Variants in SEC31B observed in about 807,000 individuals in gnomAD.
SEC31B encodes the protein SEC31 homolog B, COPII component.
Under a neutral mutation model 135.0 loss-of-function variants are expected in SEC31B, and 113 were observed. The ratio of observed to expected loss-of-function variants is 0.84; its 90% CI spans 0.72 to 0.98. The LOEUF (loss-of-function observed/expected upper bound fraction) is 0.98. Among genes scored for constraint, SEC31B ranks in the 50% least tolerant of loss-of-function variants. The pLI is 0.00. For missense variants in SEC31B, 1,296 were observed against 1,421.1 expected (o/e 0.91, Z 1.42); for synonymous variants, 508 against 549.4 (o/e 0.92, Z 1.05).
rs760922936 is a variant in SEC31B, at chr10:100,495,408, A to G, written c.2449T>C (p.Leu817=). 1.2e-6 allele frequency: 2 copies of G among 1,613,964 alleles called. No homozygotes were observed. The highest frequency in any genetic ancestry group is 2.2e-5 in the South Asian group (2 of 90,962). Residue 817 remains leucine, a synonymous_variant, in exon 19 of 26, where the codon TTG becomes CTG. Transcript: ENST00000370345. ...LHSKETSSYR[L]GSQPSHQVPT... ...ACCTGGTGAGAAGGCTGGGATCCCAATCTGTAAGATGATGTCTCTTTAGAG... is the reference window on the plus strand; with the variant it reads ...ACCTGGTGAGAAGGCTGGGATCCCAGTCTGTAAGATGATGTCTCTTTAGAG...
intron 3 of SEC31B, among the ~76,000 whole-genome samples, chr10:100,510,819 C>T (rs1323905494): frequency 6.6e-6 from 1 of 152,208 alleles, no homozygotes; most frequent in African/African-American, 2.4e-5. Flanking sequence ...AGGCTACTGC[C>T]AGAAAGGCTG....
At chr10:100,512,644 T>C (rs926587702) in intron 3 of SEC31B, among the ~76,000 whole-genome samples, 2 of 152,146 alleles carry the variant, frequency 1.3e-5, no homozygotes, top group African/African-American at 4.8e-5. Flanking sequence ...GGATCCAAAT[T>C]TGGTTGAGGC....
intron 2 of SEC31B, among the ~76,000 whole-genome samples, chr10:100,516,648 C>CAAAAA: frequency 2.1e-5 from 1 of 47,508 alleles, no homozygotes; most frequent in Non-Finnish European, 4.0e-5. Flanking sequence ...GACTCTGTCT[C>CAAAAA]AAAAAAAAAA....
intron 2 of SEC31B, 92 bp downstream of exon 2, chr10:100,516,782 C>A: frequency 1.0e-6 from 1 of 956,198 alleles, no homozygotes; most frequent in Non-Finnish European, 1.6e-6. Context: ...GATCTGAGAG[C>A]TTTCTCTGAT....
At chr10:100,498,593 G>A (rs530018158) in intron 14 of SEC31B, 112 bp downstream of exon 14, 104 of 736,074 alleles carry the variant, frequency 1.4e-4, no homozygotes, top group Middle Eastern at 3.9e-4. Context: ...CATTTGAGAC[G>A]GTGGGAGGAA....
chr10:100,513,225 A>C (rs1246347421), intron 3 of SEC31B, among the ~76,000 whole-genome samples: 2 of 152,336 alleles, frequency 1.3e-5, no homozygotes, highest in Middle Eastern at 3.4e-3. Flanking sequence ...AATGTGATTT[A>C]ATCTTCCAAC....
intron 1 of SEC31B, among the ~76,000 whole-genome samples, chr10:100,517,846 T>C (rs775459842): frequency 3.9e-5 from 6 of 152,180 alleles, no homozygotes; most frequent in Non-Finnish European, 7.3e-5. Context: ...CCCAGAAGCC[T>C]GAAAATCCCT....
Position 100,505,209 on chromosome 10 carries a change from G to A in SEC31B, c.1179+152C>T, listed in dbSNP as rs548975800. The A allele has an allele frequency of 2.5e-4, 225 of 904,710 alleles. 3 individuals are homozygous for A. The South Asian group carries it at 3.6e-3, about 15-fold the overall frequency. 56.0% of individuals were successfully genotyped at this position (904,710 alleles called of 1,614,324 possible). On this transcript the variant is annotated intron_variant, in intron 10 of 25. Coordinates refer to ENST00000370345, the MANE Select transcript of SEC31B (RefSeq NM_015490.4). The stretch of plus-strand genomic sequence containing the variant: ...AGCTATAGTAACTCTCTCCTTGAGA[G>A]GTAAAGTGGGATCCATTCTGAGACA...
At chr10:100,515,542 T>G (rs1851816923) in intron 3 of SEC31B, among the ~76,000 whole-genome samples, 1 of 152,046 alleles carries the variant, frequency 6.6e-6, no homozygotes, top group Non-Finnish European at 1.5e-5. Flanking sequence ...CTATGTAAAA[T>G]GGAAATATGG....
chr10:100,519,019 T>C (rs1422713917), intron 1 of SEC31B, among the ~76,000 whole-genome samples: 1 of 152,260 alleles, frequency 6.6e-6, no homozygotes, highest in Non-Finnish European at 1.5e-5. Flanking sequence ...GCATTTGATG[T>C]GCATATCTCA....
chr10:100,515,917 G>A (rs778914800), intron 3 of SEC31B, among the ~76,000 whole-genome samples, 179 bp downstream of exon 3: 6 of 152,116 alleles, frequency 3.9e-5, no homozygotes, highest in East Asian at 1.9e-4. Context: ...ACTGGAAAGG[G>A]GGGGGGTGGT....
At chr10:100,501,415 C>G (rs1851522631) in intron 11 of SEC31B, among the ~76,000 whole-genome samples, 1 of 152,146 alleles carries the variant, frequency 6.6e-6, no homozygotes, top group South Asian at 2.1e-4. Context: ...ACAAAAGCAT[C>G]ATTTCTTATT....
At chr10:100,507,246 G>A (rs1171277977) in intron 7 of SEC31B, among the ~76,000 whole-genome samples, 179 bp downstream of exon 7, 1 of 152,182 alleles carries the variant, frequency 6.6e-6, no homozygotes, top group Non-Finnish European at 1.5e-5. Context: ...TAACCTCAGG[G>A]TCTAAGGGCC....
In SEC31B at chr10:100,490,239, C is replaced by G. The variant is rs1463406332; in HGVS notation, c.2734G>C (p.Gly912Arg). 4 of 1,613,564 alleles carry G rather than the reference C, an allele frequency of 2.5e-6. No homozygotes were observed. Among genetic ancestry groups the G allele is most frequent in the Admixed American group, 1.7e-5 (1 of 59,930 alleles). Reference protein sequence around the residue: ...VGFPGTWPLPGSPLPMACPGI... With the variant: ...VGFPGTWPLPRSPLPMACPGI... ...GGGCATGCCATGGGTAGAGGGGAAC[C>G]AGGAAGAGGCCATGTCCCAGGGAAT... Residue 912 changes from glycine (G) to arginine (R), a missense_variant, in exon 21 of 26, where the codon GGT (glycine) becomes CGT (arginine). By Grantham distance (125) the Gly-to-Arg change is moderately radical. Transcript: ENST00000370345.
chr10:100,503,821 A>C (rs1345660489), intron 10 of SEC31B, among the ~76,000 whole-genome samples: 1 of 151,848 alleles, frequency 6.6e-6, no homozygotes, highest in African/African-American at 2.4e-5. Context: ...TTATATGGTA[A>C]ACTTGTGTCA....
chr10:100,497,938 G>A, intron 15 of SEC31B, 91 bp downstream of exon 15: 1 of 1,574,762 alleles, frequency 6.4e-7, no homozygotes, highest in Admixed American at 1.7e-5. Flanking sequence ...GAGGCAGGCA[G>A]ATACTCAAAC....
intron 20 of SEC31B, 135 bp downstream of exon 20, chr10:100,490,571 T>G (rs1278165408): frequency 2.9e-5 from 28 of 968,208 alleles, no homozygotes; most frequent in Non-Finnish European, 4.1e-5. Flanking sequence ...GTGATAGCAT[T>G]AGGAATTCAG....
rs764858185 is a variant in SEC31B, at chr10:100,505,311, CACACACACACACACAA to C, written c.1179+34_1179+49del. 1.3e-5 allele frequency: 20 copies of C among 1,593,606 alleles called. No individual in the cohort carries two copies. In the East Asian group the frequency reaches 2.8e-4, roughly 22 times the overall value. On this transcript the variant is annotated intron_variant, in intron 10 of 25. Transcript: ENST00000370345. Reference sequence around the variant, plus strand: ...GGTAGGCTTCACAAACACACACACACACACACACACACACAAACACACACACACCTATACATCCACT... The same window carrying C: ...GGTAGGCTTCACAAACACACACACACACACACACACACCTATACATCCACT...
intron 3 of SEC31B, among the ~76,000 whole-genome samples, chr10:100,512,216 C>G (rs946737804): frequency 2.0e-5 from 3 of 152,140 alleles, no homozygotes; most frequent in Admixed American, 2.0e-4. Flanking sequence ...CTCCATGTTA[C>G]TTGAGGATGG....
Sources: allele counts gnomAD v4.1 joint callset (sites outside exome capture counted in the v4.1 genomes callset), GRCh38; gene constraint gnomAD v4.1.1; transcripts MANE v1.5; gene names NCBI Gene and HGNC (gene_info 2026-07-23, HGNC 2026-07-21).